TSPAN5: variants seen among roughly 807,000 people sequenced by gnomAD.
TSPAN5 encodes the protein tetraspanin 5.
A neutral mutation model predicts 37.1 loss-of-function variants in TSPAN5; 10 were observed. The observed-to-expected ratio is 0.27, with a 90% confidence interval of 0.17 to 0.46. The LOEUF (loss-of-function observed/expected upper bound fraction) is 0.46. TSPAN5 is among the 20% of genes least tolerant of loss of function. The pLI is 1.00. For missense variants in TSPAN5, 195 were observed against 326.6 expected, an observed-to-expected ratio of 0.60 and a Z score of 3.11; for synonymous variants, 110 against 118.9, an observed-to-expected ratio of 0.93 and a Z score of 0.48.
intron 1 of TSPAN5, among the ~76,000 whole-genome samples, chr4:98,523,586 C>T (rs1163750966): frequency 3.3e-5 from 5 of 152,056 alleles, no homozygotes; most frequent in Admixed American, 3.3e-4. Context: ...AGGTGTGCAC[C>T]ACCACACCTG....
At chr4:98,472,656 AT>A in intron 7 of TSPAN5, 69 bp from the exon 8 acceptor site, 8 of 1,320,376 alleles carry the variant, frequency 6.1e-6, no homozygotes, top group African/African-American at 1.5e-5. Flanking sequence ...ACTGTGTCCC[AT>A]TTTTTTAAAT....
At chr4:98,604,424 G>A (rs1269881022) in intron 1 of TSPAN5, among the ~76,000 whole-genome samples, 3 of 152,186 alleles carry the variant, frequency 2.0e-5, no homozygotes, top group Admixed American at 1.3e-4. Flanking sequence ...CAGAGCCACT[G>A]CATCCTTGAC....
intron 1 of TSPAN5, among the ~76,000 whole-genome samples, chr4:98,522,588 A>C (rs541377256): frequency 1.3e-5 from 2 of 152,200 alleles, no homozygotes; most frequent in African/African-American, 4.8e-5. Flanking sequence ...AAAACCTAAA[A>C]CATCTTGAGA....
chr4:98,640,298 A>G (rs1161291557), intron 1 of TSPAN5, among the ~76,000 whole-genome samples: 2 of 152,236 alleles, frequency 1.3e-5, no homozygotes, highest in Non-Finnish European at 2.9e-5. Context: ...TCCTAGGCTA[A>G]GAAATTTATT....
At chr4:98,502,686 C>A (rs1350348155) in intron 2 of TSPAN5, among the ~76,000 whole-genome samples, 1 of 152,048 alleles carries the variant, frequency 6.6e-6, no homozygotes, top group East Asian at 1.9e-4. Context: ...AGACAAGATG[C>A]AGAAATATAG....
chr4:98,602,600 C>G (rs1444562253), intron 1 of TSPAN5, among the ~76,000 whole-genome samples: 1 of 152,228 alleles, frequency 6.6e-6, no homozygotes, highest in African/African-American at 2.4e-5. Flanking sequence ...GAGGAAGCTA[C>G]AGAACCTGGC....
At chr4:98,498,576 A>G (rs1192901460) in intron 2 of TSPAN5, among the ~76,000 whole-genome samples, 6 of 152,032 alleles carry the variant, frequency 3.9e-5, no homozygotes, top group Non-Finnish European at 1.5e-5. Context: ...GCAGGGACAA[A>G]AGGGGTCAGA....
chr4:98,570,060 G>C (rs1215379874), intron 1 of TSPAN5, among the ~76,000 whole-genome samples: 1 of 152,130 alleles, frequency 6.6e-6, no homozygotes, highest in Non-Finnish European at 1.5e-5. Context: ...AACACCAAGA[G>C]AGAGAGAACA....
intron 1 of TSPAN5, among the ~76,000 whole-genome samples, chr4:98,537,706 C>T (rs1301783137): frequency 2.0e-5 from 3 of 152,228 alleles, no homozygotes; most frequent in African/African-American, 4.8e-5. Flanking sequence ...CTCAGGCCTC[C>T]AGTATTTGCT....
intron 1 of TSPAN5, among the ~76,000 whole-genome samples, chr4:98,548,886 G>GGGGGGGGTGTGT (rs373285784): frequency 1.7e-5 from 1 of 57,342 alleles, no homozygotes; most frequent in South Asian, 1.1e-3. Context: ...AGTATTCCAA[G>GGGGGGGGTGTGT]GTGTGTGTGT....
chr4:98,539,315 T>A (rs1409584623), intron 1 of TSPAN5, among the ~76,000 whole-genome samples: 2 of 152,160 alleles, frequency 1.3e-5, no homozygotes, highest in African/African-American at 4.8e-5. Flanking sequence ...GCCATGAGCT[T>A]CTCCCAGGTT....
chr4:98,541,688 A>AG (rs1754360788), intron 1 of TSPAN5, among the ~76,000 whole-genome samples: 1 of 121,068 alleles, frequency 8.3e-6, no homozygotes, highest in Admixed American at 8.7e-5. Flanking sequence ...AAAAAAAAAA[A>AG]AAAAAAAGAG....
intron 1 of TSPAN5, among the ~76,000 whole-genome samples, chr4:98,512,232 A>G (rs1435829572): frequency 6.6e-6 from 1 of 152,156 alleles, no homozygotes. Context: ...GAAAAAAAAA[A>G]GAAATTTTAA....
At chr4:98,599,456 T>C (rs1755833934) in intron 1 of TSPAN5, among the ~76,000 whole-genome samples, 2 of 152,178 alleles carry the variant, frequency 1.3e-5, no homozygotes, top group African/African-American at 2.4e-5. Flanking sequence ...GAGGTATAAT[T>C]TACATAAAAT....
intron 2 of TSPAN5, among the ~76,000 whole-genome samples, chr4:98,491,339 A>G (rs1329252622): frequency 6.6e-6 from 1 of 152,232 alleles, no homozygotes; most frequent in East Asian, 1.9e-4. Flanking sequence ...ATTAGGGATT[A>G]CTTACCTAGC....
chr4:98,535,199 C>A (rs1464685185), intron 1 of TSPAN5, among the ~76,000 whole-genome samples: 1 of 152,124 alleles, frequency 6.6e-6, no homozygotes, highest in Non-Finnish European at 1.5e-5. Context: ...TTAGTGCTTC[C>A]TTCAGGAGCT....
chr4:98,514,132 A>C (rs142627614), intron 1 of TSPAN5, among the ~76,000 whole-genome samples: 1 of 152,346 alleles, frequency 6.6e-6, no homozygotes, highest in East Asian at 1.9e-4. Context: ...ATGGAAAAAA[A>C]CCCAACATTC....
chr4:98,609,016 C>T (rs1756110105), intron 1 of TSPAN5, among the ~76,000 whole-genome samples: 1 of 152,188 alleles, frequency 6.6e-6, no homozygotes, highest in Non-Finnish European at 1.5e-5. Flanking sequence ...TTACCTCTCA[C>T]TCTCTTGCAC....
At chr4:98,620,893 C>T (rs535970505) in intron 1 of TSPAN5, among the ~76,000 whole-genome samples, 23 of 152,274 alleles carry the variant, frequency 1.5e-4, no homozygotes, top group Middle Eastern at 3.4e-3. Flanking sequence ...TGAAAATTCA[C>T]GTAACATAAA....
Sources: gnomAD v4.1 joint callset for allele counts (sites outside exome capture counted in the v4.1 genomes callset) on GRCh38, gnomAD v4.1.1 for gene constraint, MANE v1.5 for transcripts, NCBI Gene and HGNC (gene_info 2026-07-23, HGNC 2026-07-21) for gene names.